PSD3: variants seen among roughly 807,000 people sequenced by gnomAD.
The protein encoded by PSD3 is PH and SEC7 domain-containing protein 3.
A neutral mutation model predicts 105.5 loss-of-function variants in PSD3; 49 were observed. The observed-to-expected ratio is 0.46, with a 90% CI of 0.37 to 0.59. PSD3 has a LOEUF of 0.59. Ranked by LOEUF, PSD3 falls within the 20% of genes least tolerant of loss-of-function variation. The pLI is 0.00. For missense variants in PSD3, 1,561 were observed against 1,263.8 expected (o/e 1.24, Z -3.57); for synonymous variants, 557 against 457.8 (o/e 1.22, Z -2.77).
intron 11 of PSD3, among the ~76,000 whole-genome samples, chr8:18,624,012 A>C (rs1806308936): frequency 6.6e-6 from 1 of 152,182 alleles, no homozygotes; most frequent in African/African-American, 2.4e-5. Context: ...ATATGGATAT[A>C]CAAAATCCAT....
chr8:19,041,211 T>C (rs1364722654), intron 1 of PSD3, among the ~76,000 whole-genome samples: 2 of 152,202 alleles, frequency 1.3e-5, no homozygotes, highest in Admixed American at 6.5e-5. Context: ...TCCCATTTTA[T>C]ATAGAACCTT....
At chr8:18,809,164 G>A (rs2638655) in intron 4 of PSD3, among the ~76,000 whole-genome samples, 5 of 152,134 alleles carry the variant, frequency 3.3e-5, no homozygotes, top group Non-Finnish European at 5.9e-5. Flanking sequence ...CATTAGATGC[G>A]TTCTGTAGTT....
rs1426809819 is a variant in PSD3 at position 19,074,629 on chromosome 8, T to TTTTA, written c.324+9576_324+9577insTAAA. Among the ~76,000 whole-genome samples the TTTTA allele has an allele frequency of 2.5e-5, 3 of 119,584 alleles. No individual in the cohort carries two copies. In the South Asian group the frequency reaches 9.4e-4, roughly 37 times the overall value. 78.5% of individuals were successfully genotyped at this position (119,584 alleles called of 152,430 possible). On this transcript the variant is annotated intron_variant, in intron 1 of 1. Coordinates refer to the PSD3 transcript ENST00000521475. ...TATATATATTTTTTTTTTTTTTTTT[T>TTTTA]TTTTTTTTTGAGATGGAGTCTCGCT...
intron 12 of PSD3, among the ~76,000 whole-genome samples, chr8:18,578,661 G>C (rs1342359929): frequency 6.6e-6 from 1 of 151,546 alleles, no homozygotes; most frequent in East Asian, 1.9e-4. Flanking sequence ...TATTCTTCGA[G>C]TATATTATCT....
intron 1 of PSD3, among the ~76,000 whole-genome samples, chr8:19,083,176 C>T (rs1228091928): frequency 1.3e-5 from 2 of 152,216 alleles, no homozygotes; most frequent in Non-Finnish European, 2.9e-5. Context: ...CCACCACCCT[C>T]CACACCCTTC....
At chr8:18,963,621 G>C (rs1824062816) in intron 1 of PSD3, among the ~76,000 whole-genome samples, 1 of 152,094 alleles carries the variant, frequency 6.6e-6, no homozygotes, top group African/African-American at 2.4e-5. Context: ...CATTTGTCTT[G>C]CACAAGAATT....
chr8:18,680,922 C>CT (rs574544797), intron 9 of PSD3, among the ~76,000 whole-genome samples: 2 of 152,030 alleles, frequency 1.3e-5, no homozygotes, highest in African/African-American at 2.4e-5. Context: ...TCCTTTAACA[C>CT]TTTTTTTCAA....
At chr8:18,806,490 C>G (rs761096715) in intron 4 of PSD3, among the ~76,000 whole-genome samples, 3 of 152,176 alleles carry the variant, frequency 2.0e-5, no homozygotes, top group Non-Finnish European at 2.9e-5. Flanking sequence ...TTTATCTTAA[C>G]TTGGAAGTAA....
At chr8:18,713,440 G>T (rs373389236) in intron 9 of PSD3, among the ~76,000 whole-genome samples, 28 of 152,158 alleles carry the variant, frequency 1.8e-4, no homozygotes, top group African/African-American at 6.5e-4. Context: ...AATGTCTCAG[G>T]ATACAAAATC....
At chr8:18,916,438 G>A (rs376741232) in intron 2 of PSD3, among the ~76,000 whole-genome samples, 3 of 145,222 alleles carry the variant, frequency 2.1e-5, no homozygotes, top group South Asian at 2.2e-4. Context: ...GTGACAAAAC[G>A]GATAAACCTA....
At chr8:18,714,769 C>A (rs1040464661) in intron 9 of PSD3, among the ~76,000 whole-genome samples, 1 of 152,190 alleles carries the variant, frequency 6.6e-6, no homozygotes, top group African/African-American at 2.4e-5. Context: ...ATCTAGCAAT[C>A]CCATTACTGG....
intron 9 of PSD3, among the ~76,000 whole-genome samples, chr8:18,660,430 T>C (rs967460177): frequency 3.3e-5 from 5 of 152,204 alleles, no homozygotes; most frequent in African/African-American, 1.2e-4. Context: ...TGTGGTAATT[T>C]GTTTCAGCAG....
intron 9 of PSD3, among the ~76,000 whole-genome samples, chr8:18,671,100 T>A (rs1383097987): frequency 6.6e-6 from 1 of 152,178 alleles, no homozygotes; most frequent in Non-Finnish European, 1.5e-5. Flanking sequence ...AGGACGATGC[T>A]GTATAACACA....
chr8:18,896,918 C>T (rs1430277092), intron 2 of PSD3, among the ~76,000 whole-genome samples: 1 of 152,018 alleles, frequency 6.6e-6, no homozygotes, highest in Non-Finnish European at 1.5e-5. Context: ...TCAAGCAATT[C>T]TCCTACCTCA....
chr8:19,077,787 G>A (rs1410162237), intron 1 of PSD3, among the ~76,000 whole-genome samples: 1 of 152,082 alleles, frequency 6.6e-6, no homozygotes, highest in Non-Finnish European at 1.5e-5. Flanking sequence ...TTATTTAATA[G>A]ACATGCTAAG....
At chr8:18,552,255 C>A (rs1169908831) in intron 15 of PSD3, among the ~76,000 whole-genome samples, 1 of 152,164 alleles carries the variant, frequency 6.6e-6, no homozygotes, top group Non-Finnish European at 1.5e-5. Flanking sequence ...GCTGGTGTAT[C>A]TTTTCCCTCT....
At chr8:19,059,233 C>T (rs189088850) in intron 1 of PSD3, among the ~76,000 whole-genome samples, 1 of 152,296 alleles carries the variant, frequency 6.6e-6, no homozygotes, top group Admixed American at 6.5e-5. Flanking sequence ...GGAATCAAAC[C>T]AGGAAATGGT....
At chr8:18,898,089 G>C (rs576707509) in intron 2 of PSD3, among the ~76,000 whole-genome samples, 1 of 152,202 alleles carries the variant, frequency 6.6e-6, no homozygotes, top group South Asian at 2.1e-4. Flanking sequence ...TGACTGTGTC[G>C]AGGTATGTTC....
chr8:18,603,398 T>C (rs1804579917), intron 11 of PSD3, among the ~76,000 whole-genome samples: 2 of 152,206 alleles, frequency 1.3e-5, no homozygotes, highest in African/African-American at 4.8e-5. Flanking sequence ...CTCAGATTGC[T>C]TTTTGGAGGC....
Sources: allele counts gnomAD v4.1 joint callset (sites outside exome capture counted in the v4.1 genomes callset), GRCh38; gene constraint gnomAD v4.1.1; transcripts MANE v1.5; gene names NCBI Gene and HGNC (gene_info 2026-07-23, HGNC 2026-07-21).